XRCC4: variants seen among roughly 807,000 people sequenced by gnomAD.
The protein encoded by XRCC4 is DNA repair protein XRCC4.
XRCC4 carries 28 observed loss-of-function variants against 39.1 expected under a neutral mutation model. The ratio of observed to expected loss-of-function variants is 0.72; its 90% CI spans 0.53 to 0.98. XRCC4 has a LOEUF of 0.98. XRCC4 is among the 50% of genes least tolerant of loss of function. The probability of loss-of-function intolerance (pLI) is 0.00; values close to 1 mark genes in which losing one functional copy is unlikely to be tolerated. For missense variants in XRCC4, 350 were observed against 376.4 expected (o/e 0.93, Z 0.58); for synonymous variants, 123 against 126.4 (o/e 0.97, Z 0.18).
chr5:83,185,546 C>T (rs1750400595), intron 3 of XRCC4, among the ~76,000 whole-genome samples: 1 of 151,310 alleles, frequency 6.6e-6, no homozygotes, highest in South Asian at 2.1e-4. Flanking sequence ...AATTCGTAGT[C>T]AAAATTTCAT....
chr5:83,271,721 A>G (rs1263668815), intron 7 of XRCC4, among the ~76,000 whole-genome samples: 1 of 152,152 alleles, frequency 6.6e-6, no homozygotes, highest in African/African-American at 2.4e-5. Context: ...CCTCTCCTAC[A>G]TAAAAAGTGG....
At chr5:83,175,683 A>G (rs1451433781) in intron 3 of XRCC4, among the ~76,000 whole-genome samples, 1 of 151,958 alleles carries the variant, frequency 6.6e-6, no homozygotes, top group African/African-American at 2.4e-5. Flanking sequence ...ATCTCGGCTT[A>G]CTGCAACCTC....
chr5:83,205,474 G>C (rs569508933), intron 6 of XRCC4, among the ~76,000 whole-genome samples: 155 of 152,172 alleles, frequency 1.0e-3, no homozygotes, highest in Non-Finnish European at 1.8e-3. Context: ...CCCAGCAAGT[G>C]TTTAAACCCA....
At chr5:83,218,467 C>T (rs1245777727) in intron 6 of XRCC4, among the ~76,000 whole-genome samples, 1 of 151,826 alleles carries the variant, frequency 6.6e-6, no homozygotes, top group African/African-American at 2.4e-5. Flanking sequence ...GTTTGTATGT[C>T]TGTTTTAAGA....
chr5:83,145,610 G>C lies in XRCC4; in HGVS notation c.315+34407G>C, dbSNP rs1382369. On this transcript the variant is annotated intron_variant, in intron 3 of 7. Coordinates refer to ENST00000396027, the MANE Select transcript of XRCC4 (RefSeq NM_003401.5). ...AGAGATTTGAACAGTTTATCCATAG[G>C]ATTTAGAGCTTCTCTCCTCTGCTTC... 1.4e-3 allele frequency among the ~76,000 whole-genome samples: 213 copies of C among 152,118 alleles called. 1 individual carries two copies. Among genetic ancestry groups the C allele is most frequent in the Non-Finnish European group, 2.4e-3 (162 of 67,982 alleles).
intron 3 of XRCC4, among the ~76,000 whole-genome samples, chr5:83,135,805 G>A (rs920224708): frequency 6.6e-5 from 10 of 151,998 alleles, no homozygotes; most frequent in African/African-American, 2.2e-4. Context: ...TTGAACATAG[G>A]GAATAAAATT....
chr5:83,176,609 A>G (rs1461893673), intron 3 of XRCC4, among the ~76,000 whole-genome samples: 1 of 150,896 alleles, frequency 6.6e-6, no homozygotes, highest in Non-Finnish European at 1.5e-5. Context: ...AAGATACAAT[A>G]GGCATATAAA....
chr5:83,178,574 T>G (rs1750066006), intron 3 of XRCC4, among the ~76,000 whole-genome samples: 1 of 152,150 alleles, frequency 6.6e-6, no homozygotes, highest in African/African-American at 2.4e-5. Flanking sequence ...TGTCTGTTGG[T>G]TTTGAAAACA....
At chr5:83,095,794 G>A (rs1457659623) in intron 1 of XRCC4, among the ~76,000 whole-genome samples, 1 of 151,870 alleles carries the variant, frequency 6.6e-6, no homozygotes, top group African/African-American at 2.4e-5. Context: ...GCAGAGACTG[G>A]GCCCCTTCAC....
At chr5:83,226,621 G>A (rs1752301147) in intron 6 of XRCC4, among the ~76,000 whole-genome samples, 1 of 152,098 alleles carries the variant, frequency 6.6e-6, no homozygotes, top group South Asian at 2.1e-4. Context: ...TCTCTAAAAG[G>A]AGAAGCTGGA....
At chr5:83,329,361 G>C (rs551131131) in intron 7 of XRCC4, among the ~76,000 whole-genome samples, 3 of 152,170 alleles carry the variant, frequency 2.0e-5, no homozygotes, top group Non-Finnish European at 4.4e-5. Flanking sequence ...TGCAGTGAGA[G>C]AAAATATTTG....
chr5:83,302,892 GCA>G (rs1442985136), intron 7 of XRCC4, among the ~76,000 whole-genome samples: 1 of 152,090 alleles, frequency 6.6e-6, no homozygotes. Flanking sequence ...GGAGACTGAG[GCA>G]CAGAGTCACA....
chr5:83,360,236 T>C, the XRCC4 span, among the ~76,000 whole-genome samples: 2 of 152,136 alleles, frequency 1.3e-5, no homozygotes, highest in Admixed American at 6.6e-5. Flanking sequence ...AAGTCCTTAG[T>C]AGAGTTCTAG....
rs117277004 is a variant in XRCC4, at chr5:83,118,541, C to G, written c.315+7338C>G. Among the ~76,000 whole-genome samples, 446 of 152,254 alleles carry G rather than the reference C, an allele frequency of 2.9e-3. 12 individuals are homozygous for G. In the East Asian group the frequency reaches 0.074, roughly 25 times the overall value. ...ACTTGTCTAGTTTTACTATTATGTT[C>G]ACCTTTGAGGCAGCAGGACCCAGTT... On this transcript the variant is annotated intron_variant, in intron 3 of 7. Transcript: ENST00000396027.
At chr5:83,148,244 C>A (rs1382579800) in intron 3 of XRCC4, among the ~76,000 whole-genome samples, 1 of 152,134 alleles carries the variant, frequency 6.6e-6, no homozygotes, top group Non-Finnish European at 1.5e-5. Context: ...GTATCTGATA[C>A]ACAGTAGGTG....
In XRCC4 at chr5:83,143,571, A is replaced by G. The variant is rs78408131; in HGVS notation, c.315+32368A>G. Reference sequence around the variant, plus strand: ...CTGCTGATCCATATTTCTGTCTGGTATCATTTCATTTTATCCTGAACAAAT... The same window carrying G: ...CTGCTGATCCATATTTCTGTCTGGTGTCATTTCATTTTATCCTGAACAAAT... On this transcript the variant is annotated intron_variant, in intron 3 of 7. Coordinates refer to ENST00000396027, the MANE Select transcript of XRCC4 (RefSeq NM_003401.5). Among the ~76,000 whole-genome samples the G allele has an allele frequency of 6.2e-3, 938 of 152,228 alleles. 9 individuals carry two copies. The highest frequency in any genetic ancestry group is 0.022 in the African/African-American group (900 of 41,542).
chr5:83,260,845 G>A (rs145778188), intron 7 of XRCC4, among the ~76,000 whole-genome samples: 8 of 152,052 alleles, frequency 5.3e-5, no homozygotes, highest in African/African-American at 1.9e-4. Flanking sequence ...TTTGGTAACG[G>A]TCTGCTAATT....
chr5:83,277,496 T>A (rs1754376714), intron 7 of XRCC4, among the ~76,000 whole-genome samples: 1 of 152,222 alleles, frequency 6.6e-6, no homozygotes, highest in Admixed American at 6.5e-5. Flanking sequence ...AGCTTTGTCA[T>A]TTCAATCCAC....
At chr5:83,291,526 C>T (rs1434775163) in intron 7 of XRCC4, among the ~76,000 whole-genome samples, 1 of 151,844 alleles carries the variant, frequency 6.6e-6, no homozygotes, top group Non-Finnish European at 1.5e-5. Flanking sequence ...AGTGGACTTA[C>T]ATGTAAGCCA....
Sources: allele counts gnomAD v4.1 joint callset (sites outside exome capture counted in the v4.1 genomes callset), GRCh38; gene constraint gnomAD v4.1.1; transcripts MANE v1.5; gene names NCBI Gene and HGNC (gene_info 2026-07-23, HGNC 2026-07-21).